PCDHGB5: variants seen among roughly 807,000 people sequenced by gnomAD.
The protein encoded by PCDHGB5 is protocadherin gamma-B5.
PCDHGB5 carries 48 observed loss-of-function variants against 62.9 expected under a neutral mutation model. The ratio of observed to expected loss-of-function variants is 0.76; its 90% confidence interval spans 0.61 to 0.97. The LOEUF (loss-of-function observed/expected upper bound fraction) is 0.97. PCDHGB5 is among the 50% of genes least tolerant of loss of function. The probability of loss-of-function intolerance (pLI) is 0.00; values close to 1 mark genes in which losing one functional copy is unlikely to be tolerated. For missense variants in PCDHGB5, 1,118 were observed against 1,198.6 expected, an observed-to-expected ratio of 0.93 and a Z score of 0.99; for synonymous variants, 474 against 511.2, an observed-to-expected ratio of 0.93 and a Z score of 0.98.
At chr5:141,413,520 A>G in intron 1 of PCDHGB5, 1 of 1,613,986 alleles carries the variant, frequency 6.2e-7, no homozygotes, top group Non-Finnish European at 8.5e-7. Flanking sequence ...TCCTTGTGGA[A>G]GACAGGGTGA....
chr5:141,447,824 G>T (rs926580893), intron 1 of PCDHGB5, among the ~76,000 whole-genome samples: 2 of 152,034 alleles, frequency 1.3e-5, no homozygotes, highest in Non-Finnish European at 2.9e-5. Context: ...GGTGGCTCAC[G>T]CCTGTAATCC....
chr5:141,453,560 G>A (rs1230229107), intron 1 of PCDHGB5, among the ~76,000 whole-genome samples: 3 of 151,968 alleles, frequency 2.0e-5, no homozygotes, highest in Admixed American at 6.6e-5. Flanking sequence ...GTAGATAATC[G>A]ATTTCATTAG....
Position 141,431,336 on chromosome 5 carries a change from G to C in PCDHGB5, c.2397+30812G>C, listed in dbSNP as rs1187672228. ...TGGAGCCGACGGTAGTAAGTACCCC[G>C]AATTGGTGCTGAAACGCGCCCTGGA... On this transcript the variant is annotated intron_variant, in intron 1 of 3. Transcript: ENST00000617380. The surrounding 1 kb of genome is among the most constrained non-coding windows in gnomAD (Gnocchi z 4.8). 2.5e-6 allele frequency: 4 copies of C among 1,613,956 alleles called. No individual in the cohort carries two copies. The East Asian group carries it at 6.7e-5, about 27-fold the overall frequency.
chr5:141,421,092 C>T, intron 1 of PCDHGB5: 1 of 663,988 alleles, frequency 1.5e-6, no homozygotes, highest in Non-Finnish European at 2.5e-6. Flanking sequence ...CAGATCCTGA[C>T]ACTGGAGACT....
At chr5:141,418,316 A>G in intron 1 of PCDHGB5, 1 of 1,614,026 alleles carries the variant, frequency 6.2e-7, no homozygotes, top group Non-Finnish European at 8.5e-7. Context: ...GATGGGAACA[A>G]TTCTTGAGTC....
rs2099612668 is a variant in PCDHGB5, at chr5:141,485,382, TGA to T, written c.2398-9424_2398-9423del. The T allele has an allele frequency of 6.2e-7, 1 of 1,613,538 alleles. No homozygotes were observed. The highest frequency in any genetic ancestry group is 8.5e-7 in the Non-Finnish European group (1 of 1,179,906). On this transcript the variant is annotated intron_variant, in intron 1 of 3. Coordinates refer to ENST00000617380, the MANE Select transcript of PCDHGB5 (RefSeq NM_018925.3). The surrounding 1 kb of genome is among the most constrained non-coding windows in gnomAD (Gnocchi z 5.7). ...CGCAGGCTGCAGGTCGCTGGAGAGG[TGA>T]ACCAAAGACACTTCCGTGTGGATTT...
chr5:141,466,285 C>A (rs1271958613), intron 1 of PCDHGB5, among the ~76,000 whole-genome samples: 1 of 152,148 alleles, frequency 6.6e-6, no homozygotes, highest in African/African-American at 2.4e-5. Context: ...ATCTTCCCAC[C>A]TCAGGCTCCC....
chr5:141,474,371 G>A (rs909237592), intron 1 of PCDHGB5, among the ~76,000 whole-genome samples: 1 of 152,180 alleles, frequency 6.6e-6, no homozygotes, highest in African/African-American at 2.4e-5. Flanking sequence ...TAGGTCTAGA[G>A]GAGGGCATTT....
chr5:141,444,035 T>C (rs928920813), intron 1 of PCDHGB5, among the ~76,000 whole-genome samples: 1 of 151,694 alleles, frequency 6.6e-6, no homozygotes, highest in Non-Finnish European at 1.5e-5. Context: ...ATTCAGTAAA[T>C]CAGATAATTT....
intron 1 of PCDHGB5, among the ~76,000 whole-genome samples, chr5:141,483,547 G>A (rs1202182188): frequency 6.6e-6 from 1 of 152,140 alleles, no homozygotes. Context: ...GGTTGACAGT[G>A]CCATTCACAG....
intron 1 of PCDHGB5, among the ~76,000 whole-genome samples, chr5:141,459,789 G>A (rs960868607): frequency 6.6e-6 from 1 of 152,206 alleles, no homozygotes; most frequent in Non-Finnish European, 1.5e-5. Context: ...AGTTTCAACT[G>A]TTTTTCCCTG....
chr5:141,424,391 C>T (rs2096818270), intron 1 of PCDHGB5: 1 of 152,106 alleles, frequency 6.6e-6, no homozygotes, highest in South Asian at 2.1e-4. Flanking sequence ...GATGTCTTTT[C>T]CATTACTATG....
At chr5:141,457,736 T>G (rs1265562501) in intron 1 of PCDHGB5, among the ~76,000 whole-genome samples, 1 of 152,254 alleles carries the variant, frequency 6.6e-6, no homozygotes, top group African/African-American at 2.4e-5. Flanking sequence ...AGATTAGACT[T>G]TTAAAGCTGA....
intron 1 of PCDHGB5, among the ~76,000 whole-genome samples, chr5:141,471,928 G>A (rs1328213264): frequency 6.6e-6 from 1 of 152,152 alleles, no homozygotes; most frequent in African/African-American, 2.4e-5. Context: ...TTTTGGGGGT[G>A]ATGAGAGTTT....
chr5:141,472,980 C>CAAAAAAAAAAA (rs60579131), intron 1 of PCDHGB5, among the ~76,000 whole-genome samples: 11 of 86,030 alleles, frequency 1.3e-4, no homozygotes, highest in Non-Finnish European at 1.3e-4. Flanking sequence ...GAGTGAAACT[C>CAAAAAAAAAAA]AAAAAAAAAA....
Position 141,431,473 on chromosome 5 carries a change from C to G in PCDHGB5, c.2397+30949C>G, listed in dbSNP as rs750300971. ...TGATGGTTCTGGATGCGAACGACAA[C>G]GCACCAGCGTTTGCTCAGCCCGAGT... On this transcript the variant is annotated intron_variant, in intron 1 of 3. Coordinates refer to ENST00000617380, the MANE Select transcript of PCDHGB5 (RefSeq NM_018925.3). This position sits in a 1 kb window ranked among gnomAD's most constrained non-coding sequence, Gnocchi z 4.8. 5.0e-6 allele frequency: 8 copies of G among 1,613,832 alleles called. No homozygotes were observed. The highest frequency in any genetic ancestry group is 1.7e-5 in the Admixed American group (1 of 60,026).
rs747671382 is a variant in PCDHGB5, at chr5:141,444,152, A to ATTTT, written c.2397+43661_2397+43664dup. Among the ~76,000 whole-genome samples the ATTTT allele has an allele frequency of 5.0e-4, 17 of 33,898 alleles. 5 individuals carry two copies. Among genetic ancestry groups the ATTTT allele is most frequent in the African/African-American group, 7.0e-4 (5 of 7,184 alleles). 22.2% of individuals were successfully genotyped at this position (33,898 alleles called of 152,430 possible). ...GATATGTGTCACTTGTGTGTACTGG[A>ATTTT]TTTTTTTTTTTTTTTTTTTTTTTTT... On this transcript the variant is annotated intron_variant, in intron 1 of 3. Transcript: ENST00000617380.
chr5:141,432,463 C>A lies in PCDHGB5; in HGVS notation c.2397+31939C>A, dbSNP rs781407406. On this transcript the variant is annotated intron_variant, in intron 1 of 3. Transcript: ENST00000617380. The surrounding 1 kb of genome is among the most constrained non-coding windows in gnomAD (Gnocchi z 6.0). Reference sequence around the variant, plus strand: ...CCGAGATCCTGTACCCCGCCCTCCCCACGGACGGTTCCACTGGCGTGGAGC... The same window carrying A: ...CCGAGATCCTGTACCCCGCCCTCCCAACGGACGGTTCCACTGGCGTGGAGC... The A allele has an allele frequency of 5.6e-6, 9 of 1,614,120 alleles. No homozygotes were observed. In the Admixed American group the frequency reaches 1.3e-4, roughly 24 times the overall value.
intron 1 of PCDHGB5, among the ~76,000 whole-genome samples, chr5:141,468,824 C>A (rs1288506117): frequency 6.6e-6 from 1 of 152,010 alleles, no homozygotes; most frequent in Non-Finnish European, 1.5e-5. Flanking sequence ...CAAGATCAAG[C>A]CACTGCACTC....
Sources: allele counts gnomAD v4.1 joint callset (sites outside exome capture counted in the v4.1 genomes callset), GRCh38; gene constraint gnomAD v4.1.1; non-coding constraint Gnocchi (gnomAD v3.1); transcripts MANE v1.5; gene names NCBI Gene and HGNC (gene_info 2026-07-23, HGNC 2026-07-21).